The following SNX13 variants were observed in gnomAD, a reference collection of about 807,000 sequenced individuals.
SNX13 encodes the protein sorting nexin 13.
In SNX13, 45 loss-of-function variants were observed where a neutral mutation model predicts 133.6. The observed-to-expected ratio is 0.34, with a 90% CI of 0.27 to 0.43. SNX13 has a LOEUF of 0.43. Among genes scored for constraint, SNX13 ranks in the 20% least tolerant of loss-of-function variants. The pLI is 1.00. For synonymous variants in SNX13, 414 were observed against 373.9 expected, an observed-to-expected ratio of 1.11 and a Z score of -1.24; for missense variants, 1,032 against 1,145.1, an observed-to-expected ratio of 0.90 and a Z score of 1.43.
intron 17 of SNX13, 87 bp from the exon 18 acceptor site, chr7:17,821,735 A>G (rs1345043129): frequency 1.4e-6 from 2 of 1,438,322 alleles, no homozygotes; most frequent in East Asian, 4.7e-5. Context: ...AAGGAGGAAG[A>G]TGAAGAAAAC....
chr7:17,830,324 G>GTT, intron 15 of SNX13: 1 of 984,346 alleles, frequency 1.0e-6, no homozygotes, highest in Non-Finnish European at 1.2e-6. Flanking sequence ...ATTATTAAAT[G>GTT]TTTTTATTCT....
At chr7:17,877,829 A>G (rs190611456) in intron 5 of SNX13, among the ~76,000 whole-genome samples, 1 of 152,106 alleles carries the variant, frequency 6.6e-6, no homozygotes, top group Non-Finnish European at 1.5e-5. Flanking sequence ...CCGATATCTT[A>G]TCTCTTTCTG....
At chr7:17,918,386 C>G (rs1260969187) in intron 1 of SNX13, among the ~76,000 whole-genome samples, 1 of 149,360 alleles carries the variant, frequency 6.7e-6, no homozygotes, top group Non-Finnish European at 1.5e-5. Context: ...ATAAATCTGA[C>G]AAAGGAATAA....
In SNX13 at chr7:17,821,669, T is replaced by C. The variant is rs563149446; in HGVS notation, c.1706-21A>G. The C allele has an allele frequency of 5.6e-6, 9 of 1,609,664 alleles. No individual in the cohort carries two copies. In the South Asian group the frequency reaches 7.8e-5, roughly 14 times the overall value. On this transcript the variant is annotated intron_variant, in intron 17 of 25. Transcript: ENST00000428135. ...AACGCCTGCCACAGCATATGGGTCA[T>C]AGTCAGCATATACTAATCATTTAAA...
In SNX13 at chr7:17,816,268, A is replaced by T. The variant is rs1382929212; in HGVS notation, c.1867T>A (p.Leu623Met). Residue 623 changes from leucine (L) to methionine (M), a missense_variant, in exon 19 of 26, where the codon TTG (leucine) becomes ATG (methionine). By Grantham distance (15) the Leu-to-Met change is conservative (BLOSUM62 2). Transcript: ENST00000428135. The part of the protein sequence containing the change: ...TEQFESLSSI[L>M]KLPGKKTFNN... Reference sequence around the variant, plus strand: ...AAAGTCTTTTTTCCAGGAAGTTTCAATATGCTTGAGAGACTTTCAAACTGT... The same window carrying T: ...AAAGTCTTTTTTCCAGGAAGTTTCATTATGCTTGAGAGACTTTCAAACTGT... 6.5e-7 allele frequency: 1 copy of T among 1,543,420 alleles called. No homozygotes were observed. The highest frequency in any genetic ancestry group is 2.0e-5 in the Admixed American group (1 of 49,588).
chr7:17,883,724 C>T (rs1050879493), intron 5 of SNX13, among the ~76,000 whole-genome samples: 3 of 152,036 alleles, frequency 2.0e-5, no homozygotes, highest in Non-Finnish European at 4.4e-5. Flanking sequence ...CCCTCACCCC[C>T]CAAGAGGCCC....
In SNX13 at chr7:17,890,490, AC is replaced by A. The variant is rs1403148868; in HGVS notation, c.319-7del. On this transcript the variant is annotated splice_region_variant and splice_polypyrimidine_tract_variant and intron_variant, in intron 4 of 25. Transcript: ENST00000428135. ...CTCAAGGAAAACTGGATAACCTATA[AC>A]AAAAATATTGGAAAAAAAATTACAA... The A allele has an allele frequency of 1.3e-6, 2 of 1,550,464 alleles. No homozygotes were observed. The highest frequency in any genetic ancestry group is 2.5e-5 in the South Asian group (2 of 81,468).
rs576156719 is a variant in SNX13, at chr7:17,792,677, A to G, written c.*1368T>C. 3.9e-5 allele frequency: 6 copies of G among 152,374 alleles called. No individual in the cohort carries two copies. The highest frequency in any genetic ancestry group is 1.4e-4 in the African/African-American group (6 of 41,516). The allele number at this position is 152,374 out of a possible 1,614,324, so 9.4% of individuals were successfully genotyped here. On this transcript the variant is annotated 3_prime_UTR_variant, in exon 26 of 26. Coordinates refer to ENST00000428135, the MANE Select transcript of SNX13 (RefSeq NM_015132.5). The stretch of plus-strand genomic sequence containing the variant: ...AGTAGCTTCATTATTTTAAGGTTTT[A>G]GTGTTAAATATTTTTAAAACAAAAA...
intron 1 of SNX13, among the ~76,000 whole-genome samples, chr7:17,921,847 A>G (rs1444040141): frequency 6.6e-6 from 1 of 152,244 alleles, no homozygotes; most frequent in Non-Finnish European, 1.5e-5. Flanking sequence ...CCACCGATGT[A>G]TGCACTACTA....
chr7:17,930,169 CT>C (rs1801234501), intron 1 of SNX13, among the ~76,000 whole-genome samples: 2 of 106,610 alleles, frequency 1.9e-5, no homozygotes, highest in Admixed American at 1.9e-4. Flanking sequence ...GTAGGAAACA[CT>C]GCACAGTACA....
chr7:17,876,846 A>G (rs1380244982), intron 5 of SNX13, among the ~76,000 whole-genome samples: 1 of 152,074 alleles, frequency 6.6e-6, no homozygotes, highest in Non-Finnish European at 1.5e-5. Flanking sequence ...ATTTTTTAAT[A>G]TAATGTTCTT....
chr7:17,794,401 G>T, intron 25 of SNX13, 109 bp from the exon 26 acceptor site: 6 of 1,326,096 alleles, frequency 4.5e-6, no homozygotes, highest in Non-Finnish European at 6.1e-6. Flanking sequence ...ATGAACAGTA[G>T]GTAACCAGTT....
chr7:17,891,010 A>T (rs1187237390), intron 4 of SNX13, among the ~76,000 whole-genome samples: 2 of 151,938 alleles, frequency 1.3e-5, no homozygotes, highest in Non-Finnish European at 2.9e-5. Flanking sequence ...ACATAATACA[A>T]CTCAATGTAT....
chr7:17,922,227 C>T (rs375846498), intron 1 of SNX13, among the ~76,000 whole-genome samples: 221 of 152,282 alleles, frequency 1.5e-3, no homozygotes, highest in African/African-American at 4.5e-3. Context: ...GTTCTAGTTG[C>T]GGCTAGCCAG....
At chr7:17,815,824 A>G (rs927020617) in intron 19 of SNX13, among the ~76,000 whole-genome samples, 8 of 152,176 alleles carry the variant, frequency 5.3e-5, no homozygotes, top group South Asian at 2.1e-4. Context: ...AAGATTTGGG[A>G]AAAGGTGGTT....
At chr7:17,864,831 AG>A (rs1793176652) in intron 9 of SNX13, among the ~76,000 whole-genome samples, 1 of 30,310 alleles carries the variant, frequency 3.3e-5, no homozygotes. Flanking sequence ...GAAGAGGAAG[AG>A]GAGGAGGAGG....
At chr7:17,828,703 A>T (rs1788165438) in intron 16 of SNX13, among the ~76,000 whole-genome samples, 1 of 151,630 alleles carries the variant, frequency 6.6e-6, no homozygotes, top group African/African-American at 2.4e-5. Flanking sequence ...GACTTCAAGT[A>T]TGACTGTTTT....
At chr7:17,881,612 T>G (rs1226794650) in intron 5 of SNX13, 2 of 150,832 alleles carry the variant, frequency 1.3e-5, no homozygotes, top group Non-Finnish European at 3.0e-5. Context: ...ACTCAGACTT[T>G]TTTTTGTTGA....
chr7:17,916,870 C>T (rs1799615120), intron 1 of SNX13, among the ~76,000 whole-genome samples: 1 of 152,106 alleles, frequency 6.6e-6, no homozygotes, highest in South Asian at 2.1e-4. Flanking sequence ...AAAAGGAAAA[C>T]TATAGGCCAA....
Sources: allele counts gnomAD v4.1 joint callset (sites outside exome capture counted in the v4.1 genomes callset), GRCh38; gene constraint gnomAD v4.1.1; transcripts MANE v1.5; gene names NCBI Gene and HGNC (gene_info 2026-07-23, HGNC 2026-07-21).